SGCZ: variants seen among roughly 807,000 people sequenced by gnomAD.
SGCZ encodes the protein zeta-sarcoglycan.
SGCZ carries 40 observed loss-of-function variants against 41.3 expected under a neutral mutation model. The observed-to-expected ratio is 0.97, with a 90% CI of 0.75 to 1.26. The LOEUF is 1.26. Among genes scored for constraint, SGCZ ranks in the 50% most tolerant of loss-of-function variants. The pLI is 0.00. For synonymous variants in SGCZ, 206 were observed against 137.5 expected (o/e 1.50, Z -3.49); for missense variants, 552 against 369.8 (o/e 1.49, Z -4.04).
chr8:14,428,318 A>T (rs976882503), intron 2 of SGCZ, among the ~76,000 whole-genome samples: 1 of 152,004 alleles, frequency 6.6e-6, no homozygotes, highest in African/African-American at 2.4e-5. Flanking sequence ...TCATCACTCT[A>T]ATTCCAGTAG....
chr8:14,988,219 A>C (rs1482696762), intron 1 of SGCZ, among the ~76,000 whole-genome samples: 2 of 151,802 alleles, frequency 1.3e-5, no homozygotes, highest in African/African-American at 4.8e-5. Flanking sequence ...TATTAACAAA[A>C]ATCAATCATA....
chr8:15,094,175 C>T (rs139429729), intron 1 of SGCZ, among the ~76,000 whole-genome samples: 6,082 of 151,800 alleles, frequency 0.04, 158 homozygotes, highest in Non-Finnish European at 0.058. Context: ...CACTCTGTCG[C>T]CCAGGATGGC....
chr8:14,240,793 T>C (rs1444947578), intron 3 of SGCZ, among the ~76,000 whole-genome samples: 3 of 152,208 alleles, frequency 2.0e-5, no homozygotes, highest in African/African-American at 7.2e-5. Context: ...TACCATATCT[T>C]TGTGGATTAG....
chr8:14,502,056 G>A (rs557962747), intron 2 of SGCZ, among the ~76,000 whole-genome samples: 1 of 152,164 alleles, frequency 6.6e-6, no homozygotes, highest in South Asian at 2.1e-4. Flanking sequence ...ATTCTAATAA[G>A]TGGTAACAAA....
chr8:14,637,410 C>A (rs1806868922), intron 1 of SGCZ, among the ~76,000 whole-genome samples: 1 of 151,458 alleles, frequency 6.6e-6, no homozygotes, highest in East Asian at 2.0e-4. Context: ...AGCATGGATC[C>A]CATCACTCAG....
intron 4 of SGCZ, among the ~76,000 whole-genome samples, chr8:14,217,996 T>G (rs571181673): frequency 2.0e-5 from 3 of 151,950 alleles, no homozygotes; most frequent in Non-Finnish European, 4.4e-5. Context: ...GGTAACAGAG[T>G]CTGCAAAAAA....
At chr8:14,888,975 T>C (rs1804910057) in intron 1 of SGCZ, among the ~76,000 whole-genome samples, 1 of 152,160 alleles carries the variant, frequency 6.6e-6, no homozygotes, top group African/African-American at 2.4e-5. Flanking sequence ...TCCAAAATAT[T>C]ATCTAGCACA....
At chr8:14,476,515 C>T (rs1801365909) in intron 2 of SGCZ, among the ~76,000 whole-genome samples, 1 of 152,040 alleles carries the variant, frequency 6.6e-6, no homozygotes, top group Non-Finnish European at 1.5e-5. Flanking sequence ...TATTAGTGAG[C>T]TAGTAATTTT....
intron 1 of SGCZ, among the ~76,000 whole-genome samples, chr8:15,198,283 A>T (rs1321849074): frequency 1.3e-5 from 2 of 151,922 alleles, no homozygotes; most frequent in African/African-American, 4.8e-5. Flanking sequence ...TGAAAGAGGG[A>T]TCAGTTATGC....
intron 3 of SGCZ, among the ~76,000 whole-genome samples, chr8:14,252,007 G>A (rs1563213664): frequency 6.6e-6 from 1 of 152,088 alleles, no homozygotes; most frequent in East Asian, 1.9e-4. Context: ...ACCGTGCCTG[G>A]CCTGATTCAT....
intron 2 of SGCZ, among the ~76,000 whole-genome samples, chr8:14,344,738 A>T (rs946166314): frequency 6.6e-6 from 1 of 152,144 alleles, no homozygotes; most frequent in Non-Finnish European, 1.5e-5. Context: ...TTACTGAATG[A>T]AACAGTCAAT....
chr8:14,579,520 C>T (rs1338409479), intron 1 of SGCZ, among the ~76,000 whole-genome samples: 2 of 152,146 alleles, frequency 1.3e-5, no homozygotes, highest in African/African-American at 2.4e-5. Context: ...TGATTCTTTA[C>T]ACTATTAAAG....
chr8:14,956,617 G>T (rs993491754), intron 1 of SGCZ, among the ~76,000 whole-genome samples: 2 of 151,610 alleles, frequency 1.3e-5, no homozygotes, highest in Non-Finnish European at 2.9e-5. Flanking sequence ...ATCACAAAAA[G>T]TACCAAAAGC....
intron 1 of SGCZ, among the ~76,000 whole-genome samples, chr8:15,223,235 C>T (rs1051819043): frequency 6.6e-6 from 1 of 152,100 alleles, no homozygotes; most frequent in Non-Finnish European, 1.5e-5. Context: ...AAATTTCTCC[C>T]TAAGCTAAGC....
chr8:14,954,960 T>C (rs1451240852), intron 1 of SGCZ, among the ~76,000 whole-genome samples: 4 of 152,182 alleles, frequency 2.6e-5, no homozygotes, highest in Non-Finnish European at 5.9e-5. Flanking sequence ...GGTGCTATGA[T>C]ATAGTATTAT....
At chr8:14,768,990 G>A (rs530084927) in intron 1 of SGCZ, among the ~76,000 whole-genome samples, 23 of 151,860 alleles carry the variant, frequency 1.5e-4, no homozygotes, top group African/African-American at 4.1e-4. Flanking sequence ...ATGTAGATAC[G>A]GGCTGAAATG....
At chr8:14,562,881 G>A (rs1804247766) in intron 1 of SGCZ, among the ~76,000 whole-genome samples, 1 of 152,170 alleles carries the variant, frequency 6.6e-6, no homozygotes, top group Non-Finnish European at 1.5e-5. Context: ...CGAGAGAGAA[G>A]TCACGTGATC....
rs188929551 is a variant in SGCZ at position 14,119,284 on chromosome 8, T to C, written c.548-11049A>G. Among the ~76,000 whole-genome samples, 922 of 152,260 alleles carry C rather than the reference T, an allele frequency of 6.1e-3. 5 individuals are homozygous for C. The highest frequency in any genetic ancestry group is 0.021 in the African/African-American group (877 of 41,546). ...CCTCGAAGAAGTCCTTCACATCCCC[T>C]GTAAGTTGTATTCCTAGGTATTTTA... On this transcript the variant is annotated intron_variant, in intron 5 of 7. Transcript: ENST00000382080.
intron 1 of SGCZ, among the ~76,000 whole-genome samples, chr8:14,735,779 A>G (rs896868805): frequency 2.1e-4 from 32 of 152,114 alleles, no homozygotes; most frequent in African/African-American, 7.7e-4. Flanking sequence ...ATATAAATAT[A>G]TTAGTATAAC....
Sources: gnomAD v4.1 joint callset for allele counts (sites outside exome capture counted in the v4.1 genomes callset) on GRCh38, gnomAD v4.1.1 for gene constraint, MANE v1.5 for transcripts, NCBI Gene and HGNC (gene_info 2026-07-23, HGNC 2026-07-21) for gene names.